Variants in FGF12 observed in about 807,000 individuals in gnomAD.
The protein encoded by FGF12 is fibroblast growth factor 12, also known as fibroblast growth factor 12B.
In FGF12, 14 loss-of-function variants were observed where a neutral mutation model predicts 23.6. The ratio of observed to expected loss-of-function variants is 0.59; its 90% confidence interval spans 0.39 to 0.93. The LOEUF is 0.93. FGF12 is among the 40% of genes least tolerant of loss of function. The pLI is 0.00. For missense variants in FGF12, 175 were observed against 217.8 expected (o/e 0.80, Z 1.24); for synonymous variants, 62 against 77.3 (o/e 0.80, Z 1.04).
At chr3:192,511,117 C>G (rs1276621721) in intron 2 of FGF12, among the ~76,000 whole-genome samples, 1 of 152,020 alleles carries the variant, frequency 6.6e-6, no homozygotes, top group African/African-American at 2.4e-5. Context: ...GCCTGAGAAG[C>G]CCCTGAGTAA....
At chr3:192,388,297 C>T (rs964299003) in intron 2 of FGF12, among the ~76,000 whole-genome samples, 11 of 152,002 alleles carry the variant, frequency 7.2e-5, no homozygotes, top group African/African-American at 2.2e-4. Context: ...ACATAAGTGT[C>T]TATAAAAATA....
At chr3:192,240,426 T>C (rs1719549616) in intron 4 of FGF12, among the ~76,000 whole-genome samples, 1 of 152,178 alleles carries the variant, frequency 6.6e-6, no homozygotes, top group South Asian at 2.1e-4. Flanking sequence ...ATTTTTTTGC[T>C]CTGAAAACCA....
intron 2 of FGF12, among the ~76,000 whole-genome samples, chr3:192,601,065 T>C (rs1207727181): frequency 6.6e-6 from 1 of 152,084 alleles, no homozygotes; most frequent in East Asian, 1.9e-4. Flanking sequence ...CAACAACTGA[T>C]GAATGGATAA....
intron 3 of FGF12, among the ~76,000 whole-genome samples, chr3:192,343,034 GA>G (rs533504228): frequency 6.6e-6 from 1 of 151,096 alleles, no homozygotes; most frequent in East Asian, 2.0e-4. Flanking sequence ...GAAGGAAGGA[GA>G]AAAAAAAGCT....
chr3:192,347,150 T>A (rs1718003577), intron 3 of FGF12, among the ~76,000 whole-genome samples: 2 of 152,160 alleles, frequency 1.3e-5, no homozygotes, highest in African/African-American at 4.8e-5. Context: ...ACTCCCCAGA[T>A]TATTCCAGTA....
chr3:192,612,629 C>G (rs566645108), intron 2 of FGF12, among the ~76,000 whole-genome samples: 2 of 151,764 alleles, frequency 1.3e-5, no homozygotes, highest in Admixed American at 6.6e-5. Context: ...GTGGAGGATA[C>G]AAAGCTACTT....
intron 2 of FGF12, among the ~76,000 whole-genome samples, chr3:192,669,131 G>A (rs886892794): frequency 8.5e-5 from 13 of 152,216 alleles, no homozygotes; most frequent in Middle Eastern, 3.4e-3. Flanking sequence ...CAATAGATAC[G>A]CTAAATCGTA....
chr3:192,402,548 G>T (rs945610214), intron 2 of FGF12, among the ~76,000 whole-genome samples: 12 of 152,154 alleles, frequency 7.9e-5, no homozygotes, highest in African/African-American at 2.9e-4. Flanking sequence ...CCCTCAGTGT[G>T]GTGGGAGATA....
intron 4 of FGF12, among the ~76,000 whole-genome samples, chr3:192,280,553 G>A (rs893552798): frequency 1.1e-4 from 16 of 152,158 alleles, no homozygotes; most frequent in Non-Finnish European, 1.5e-4. Context: ...AATTTTTATA[G>A]TATCTGACAT....
In FGF12 at chr3:192,141,154, A is replaced by AAAAAAAAAAAAT. The variant is rs1553840885; in HGVS notation, c.*2854_*2855insATTTTTTTTTTT. 2.2e-5 allele frequency: 3 copies of AAAAAAAAAAAAT among 136,608 alleles called. No homozygotes were observed. The highest frequency in any genetic ancestry group is 3.2e-5 in the Non-Finnish European group (2 of 62,220). The allele number at this position is 136,608 out of a possible 1,614,324, so 8.5% of individuals were successfully genotyped here. ...AAAAAAAAAAAAAAAAAAAAAAAAA[A>AAAAAAAAAAAAT]GCTTATTTTACTTAAAAAGGAAAAG... On this transcript the variant is annotated 3_prime_UTR_variant, in exon 6 of 6. Coordinates refer to ENST00000445105, the MANE Select transcript of FGF12 (RefSeq NM_004113.6).
At chr3:192,300,756 A>G (rs754132567) in intron 4 of FGF12, among the ~76,000 whole-genome samples, 71 of 152,230 alleles carry the variant, frequency 4.7e-4, no homozygotes, top group Non-Finnish European at 6.2e-4. Flanking sequence ...AGTGGCTCAC[A>G]TCTGTAATCC....
At chr3:192,199,222 T>C (rs533589893) in intron 4 of FGF12, among the ~76,000 whole-genome samples, 1 of 152,342 alleles carries the variant, frequency 6.6e-6, no homozygotes, top group South Asian at 2.1e-4. Flanking sequence ...CTCAGATCTG[T>C]TCTATGTCTA....
intron 4 of FGF12, among the ~76,000 whole-genome samples, chr3:192,313,391 T>C (rs1716059761): frequency 6.6e-6 from 1 of 152,214 alleles, no homozygotes; most frequent in Non-Finnish European, 1.5e-5. Context: ...TTTTTCATGG[T>C]AGAGCTTTCA....
intron 4 of FGF12, among the ~76,000 whole-genome samples, chr3:192,305,679 A>T (rs199514221): frequency 0.13 from 17,166 of 131,666 alleles, 1,375 homozygotes; most frequent in African/African-American, 0.22. Flanking sequence ...AAAAAAAAAA[A>T]ATATATATAT....
intron 2 of FGF12, among the ~76,000 whole-genome samples, chr3:192,551,399 C>T (rs974271672): frequency 2.6e-5 from 4 of 152,180 alleles, no homozygotes; most frequent in Non-Finnish European, 5.9e-5. Context: ...CCCTCAGGCC[C>T]TTGGCCAAAA....
At chr3:192,402,307 G>A (rs1297318493) in intron 2 of FGF12, among the ~76,000 whole-genome samples, 8 of 152,166 alleles carry the variant, frequency 5.3e-5, no homozygotes, top group African/African-American at 9.7e-5. Flanking sequence ...CAAGGCTCCC[G>A]GCATTCAGGC....
intron 4 of FGF12, among the ~76,000 whole-genome samples, chr3:192,291,321 C>T (rs987724830): frequency 1.3e-5 from 2 of 152,010 alleles, no homozygotes; most frequent in Non-Finnish European, 2.9e-5. Context: ...TGGCTTATAC[C>T]TGTAATCCCA....
chr3:192,685,252 C>T (rs372999260), intron 2 of FGF12, among the ~76,000 whole-genome samples: 24 of 152,096 alleles, frequency 1.6e-4, no homozygotes, highest in African/African-American at 5.6e-4. Flanking sequence ...GGGGTTTCAC[C>T]GTGTTAGTCA....
intron 4 of FGF12, among the ~76,000 whole-genome samples, chr3:192,213,345 C>A (rs1381868456): frequency 2.6e-5 from 4 of 152,034 alleles, no homozygotes; most frequent in African/African-American, 9.7e-5. Context: ...ATAGGAATTA[C>A]CCTTTTAAGA....
Sources: allele counts gnomAD v4.1 joint callset (sites outside exome capture counted in the v4.1 genomes callset), GRCh38; gene constraint gnomAD v4.1.1; transcripts MANE v1.5; gene names NCBI Gene and HGNC (gene_info 2026-07-23, HGNC 2026-07-21).